Variants in SDK1 observed in about 807,000 individuals in gnomAD.
SDK1 encodes the protein sidekick cell adhesion molecule 1, also known as protein sidekick-1.
SDK1 carries 157 observed loss-of-function variants against 245.5 expected under a neutral mutation model. That is an observed-to-expected ratio of 0.64 (90% CI 0.56 to 0.73). The LOEUF (loss-of-function observed/expected upper bound fraction) is 0.73. Among genes scored for constraint, SDK1 ranks in the 30% least tolerant of loss-of-function variants. SDK1 has a pLI of 0.00. For missense variants in SDK1, 3,583 were observed against 3,002.3 expected (o/e 1.19, Z -4.52); for synonymous variants, 1,647 against 1,278.5 (o/e 1.29, Z -6.15).
At chr7:3,625,663 ATTAT>A (rs1309704349) in intron 2 of SDK1, among the ~76,000 whole-genome samples, 2 of 152,330 alleles carry the variant, frequency 1.3e-5, no homozygotes, top group South Asian at 2.1e-4. Context: ...GAAAGAGGAA[ATTAT>A]TTATCAGCTC....
chr7:3,882,255 T>TGGGTG (rs1429080945), intron 5 of SDK1, among the ~76,000 whole-genome samples: 2 of 152,082 alleles, frequency 1.3e-5, no homozygotes, highest in Non-Finnish European at 2.9e-5. Context: ...AGATGAGATT[T>TGGGTG]GGGTGGGGAC....
intron 40 of SDK1, among the ~76,000 whole-genome samples, chr7:4,226,964 T>A (rs565756985): frequency 6.6e-6 from 1 of 151,444 alleles, no homozygotes; most frequent in African/African-American, 2.4e-5. Flanking sequence ...AAATAATGTG[T>A]GTAGCCCAGA....
At chr7:3,612,785 A>G (rs1484330222) in intron 1 of SDK1, among the ~76,000 whole-genome samples, 1 of 152,118 alleles carries the variant, frequency 6.6e-6, no homozygotes, top group Non-Finnish European at 1.5e-5. Context: ...TACTCCATTC[A>G]CACTGGCATT....
intron 4 of SDK1, among the ~76,000 whole-genome samples, chr7:3,780,822 C>T (rs1002594748): frequency 6.6e-6 from 1 of 152,046 alleles, no homozygotes; most frequent in African/African-American, 2.4e-5. Flanking sequence ...CAGCACTACT[C>T]AGCCAAAAAG....
At chr7:3,570,535 CT>C in intron 1 of SDK1, among the ~76,000 whole-genome samples, 1 of 152,320 alleles carries the variant, frequency 6.6e-6, no homozygotes, top group African/African-American at 2.4e-5. Flanking sequence ...TTCTCTGCAT[CT>C]TGCTGGATGA....
At chr7:4,226,885 C>A (rs1487160950) in intron 40 of SDK1, among the ~76,000 whole-genome samples, 1 of 151,942 alleles carries the variant, frequency 6.6e-6, no homozygotes, top group Non-Finnish European at 1.5e-5. Flanking sequence ...TCCAAAGCAG[C>A]CATGAAATAC....
intron 4 of SDK1, among the ~76,000 whole-genome samples, chr7:3,687,655 C>T (rs1784327532): frequency 6.6e-6 from 1 of 152,124 alleles, no homozygotes. Context: ...ATTTATATGG[C>T]ATTGTGGGAA....
chr7:4,214,414 G>C (rs762415375), intron 38 of SDK1, among the ~76,000 whole-genome samples: 2 of 152,194 alleles, frequency 1.3e-5, no homozygotes, highest in African/African-American at 2.4e-5. Context: ...TAGCAAGACC[G>C]TCCGTCACCA....
rs1045038267 is a variant in SDK1 at position 3,812,150 on chromosome 7, G to T, written c.714-9300G>T. Among the ~76,000 whole-genome samples the T allele has an allele frequency of 3.3e-5, 5 of 152,228 alleles. No individual in the cohort carries two copies. The East Asian group carries it at 9.6e-4, about 29-fold the overall frequency. ...TAACACACACAGTAGGCACTGCAAA[G>T]ATATTTAGAAAATGGTTAAATTACT... is the stretch of plus-strand genomic sequence containing the variant. On this transcript the variant is annotated intron_variant, in intron 4 of 44. Coordinates refer to ENST00000404826, the MANE Select transcript of SDK1 (RefSeq NM_152744.4).
chr7:3,462,565 T>C (rs953448498), intron 1 of SDK1, among the ~76,000 whole-genome samples: 5 of 152,218 alleles, frequency 3.3e-5, no homozygotes, highest in African/African-American at 1.2e-4. Flanking sequence ...TTGATATTTC[T>C]ACTTATATCT....
intron 1 of SDK1, among the ~76,000 whole-genome samples, chr7:3,598,267 T>G (rs983619054): frequency 3.9e-5 from 6 of 152,254 alleles, no homozygotes; most frequent in African/African-American, 1.4e-4. Flanking sequence ...CTATCATTGA[T>G]GAGTAGGCAT....
At chr7:4,170,222 G>A (rs1781752455) in intron 32 of SDK1, among the ~76,000 whole-genome samples, 1 of 152,158 alleles carries the variant, frequency 6.6e-6, no homozygotes, top group Non-Finnish European at 1.5e-5. Context: ...GCAGACTGCA[G>A]GATCACCTAA....
At chr7:3,820,749 G>A (rs985984652) in intron 4 of SDK1, among the ~76,000 whole-genome samples, 8 of 152,318 alleles carry the variant, frequency 5.3e-5, no homozygotes, top group Admixed American at 2.0e-4. Context: ...CCTCAGTGGC[G>A]CAGAGAAAGG....
At chr7:4,139,523 G>GTGTGTGTGTATA (rs1562871662) in intron 28 of SDK1, among the ~76,000 whole-genome samples, 5 of 10,196 alleles carry the variant, frequency 4.9e-4, no homozygotes, top group East Asian at 0.01. Flanking sequence ...ATATGTGTGT[G>GTGTGTGTGTATA]TATGTGTGTG....
chr7:3,644,793 C>CACAAAAAA (rs1782773323), intron 4 of SDK1, among the ~76,000 whole-genome samples: 1 of 108,864 alleles, frequency 9.2e-6, no homozygotes, highest in Non-Finnish European at 1.7e-5. Flanking sequence ...AAAAAAAAAA[C>CACAAAAAA]AAAAAACAAC....
In SDK1 at chr7:4,077,017, A is replaced by G. The variant is rs2128177352; in HGVS notation, c.3030A>G (p.Glu1010=). The G allele has an allele frequency of 1.2e-6, 2 of 1,614,092 alleles. No homozygotes were observed. Among genetic ancestry groups the G allele is most frequent in the Non-Finnish European group, 1.7e-6 (2 of 1,179,994 alleles). Residue 1010 remains glutamate (E), a synonymous_variant, in exon 21 of 45, where the codon GAA becomes GAG. Coordinates refer to ENST00000404826, the MANE Select transcript of SDK1 (RefSeq NM_152744.4). ...GIITGYQISW[E]VYGRNDSRLT... The stretch of plus-strand genomic sequence containing the variant: ...TTCTAGGCTATCAGATCTCTTGGGA[A>G]GTGTACGGCAGGAACGACTCTCGTC...
rs1779245287 is a variant in SDK1, at chr7:3,301,327, G to C, written c.-260G>C. On this transcript the variant is annotated 5_prime_UTR_variant, in exon 1 of 45. Transcript: ENST00000404826. Reference sequence around the variant, plus strand: ...GCGCCCGGCGGACCCCTCGGAGCTAGCGCGGCGGGCTCGGGACTGCGTGAG... The same window carrying C: ...GCGCCCGGCGGACCCCTCGGAGCTACCGCGGCGGGCTCGGGACTGCGTGAG... 6.8e-6 allele frequency: 1 copy of C among 147,924 alleles called. No individual in the cohort carries two copies. The highest frequency in any genetic ancestry group is 2.5e-5 in the African/African-American group (1 of 40,710). 9.2% of individuals were successfully genotyped at this position (147,924 alleles called of 1,614,324 possible). A position where few individuals can be genotyped will look rare whatever the true frequency, so the allele number is the denominator to read the frequency against.
intron 1 of SDK1, among the ~76,000 whole-genome samples, chr7:3,422,319 G>A (rs1317131048): frequency 2.0e-5 from 3 of 152,068 alleles, no homozygotes; most frequent in Admixed American, 6.5e-5. Flanking sequence ...AAATACTTAA[G>A]GCATTGGTGA....
At position 4,268,990 on chromosome 7, in the gene SDK1, T is replaced by G. The variant is rs1788643497; in HGVS notation, c.*3606T>G. 7.0e-6 allele frequency: 2 copies of G among 285,710 alleles called. No homozygotes were observed. Among genetic ancestry groups the G allele is most frequent in the African/African-American group, 4.4e-5 (2 of 45,266 alleles). The allele number at this position is 285,710 out of a possible 1,614,324, so 17.7% of individuals were successfully genotyped here. A position where few individuals can be genotyped will look rare whatever the true frequency, so the allele number is the denominator to read the frequency against. ...ACAATTTTTAATAAAAACATTATTT[T>G]GTTCCTTAAACGCTTGTGATTTTCT... On this transcript the variant is annotated 3_prime_UTR_variant, in exon 45 of 45. Transcript: ENST00000404826.
Sources: allele counts gnomAD v4.1 joint callset (sites outside exome capture counted in the v4.1 genomes callset), GRCh38; gene constraint gnomAD v4.1.1; transcripts MANE v1.5; gene names NCBI Gene and HGNC (gene_info 2026-07-23, HGNC 2026-07-21).